Variants in ESRP2 observed in about 807,000 individuals in gnomAD.
ESRP2 encodes the protein epithelial splicing regulatory protein 2.
In ESRP2, 48 loss-of-function variants were observed where a neutral mutation model predicts 78.6. The ratio of observed to expected loss-of-function variants is 0.61; its 90% CI spans 0.48 to 0.78. The LOEUF is 0.78. Among genes scored for constraint, ESRP2 ranks in the 30% least tolerant of loss-of-function variants. ESRP2 has a pLI of 0.00. For missense variants in ESRP2, 863 were observed against 965.9 expected (o/e 0.89, Z 1.41); for synonymous variants, 383 against 406.7 (o/e 0.94, Z 0.70).
intron 5 of ESRP2, 175 bp downstream of exon 5, chr16:68,233,152 T>C (rs1287569715): frequency 1.5e-5 from 9 of 614,534 alleles, no homozygotes; most frequent in Non-Finnish European, 2.6e-5. Context: ...TGAGCTGAGA[T>C]TGTGCCACTG....
rs781393206 is a variant in ESRP2 at position 68,232,304 on chromosome 16, G to A, written c.955-16C>T. ...CTTTATACACCTGTGGGTACAGAGAGCAGCAGCCCATGGGTCTCAGGCCTG... is the reference window on the plus strand; with the variant it reads ...CTTTATACACCTGTGGGTACAGAGAACAGCAGCCCATGGGTCTCAGGCCTG... On this transcript the variant is annotated splice_polypyrimidine_tract_variant and intron_variant, in intron 8 of 14. Transcript: ENST00000473183. The surrounding 1 kb of genome is among the most constrained non-coding windows in gnomAD (Gnocchi z 5.2). 11 of 1,614,190 alleles carry A rather than the reference G, an allele frequency of 6.8e-6. 1 individual carries two copies. In the South Asian group the frequency reaches 8.8e-5, roughly 13 times the overall value.
chr16:68,231,063 C>G lies in ESRP2; in HGVS notation c.1712-36G>C, dbSNP rs753055981. 10 of 1,590,984 alleles carry G rather than the reference C, an allele frequency of 6.3e-6. No individual in the cohort carries two copies. The highest frequency in any genetic ancestry group is 1.3e-5 in the African/African-American group (1 of 74,402). On this transcript the variant is annotated intron_variant, in intron 12 of 14. Transcript: ENST00000473183. The surrounding 1 kb of genome is among the most constrained non-coding windows in gnomAD (Gnocchi z 6.0). ...AAGTAGAAAGTGCATGTGCACGGAG[C>G]CCAGCACTGCCCTGGGTGGGGTAGC... is the stretch of plus-strand genomic sequence containing the variant.
chr16:68,235,941 C>A lies in ESRP2; in HGVS notation c.105G>T (p.Gly35=). The change falls in exon 1 of 15, where the codon GGG becomes GGT. Residue 35 remains glycine (G), a synonymous_variant. Coordinates refer to ENST00000473183, the MANE Select transcript of ESRP2 (RefSeq NM_024939.3). The surrounding 1 kb of genome is among the most constrained non-coding windows in gnomAD (Gnocchi z 5.5). ...CCCGTCCCAGCGCACCCGCCGTAGC[C>A]CCGAAGAGGACGACCAGTGATCCGG... is the stretch of plus-strand genomic sequence containing the variant. The part of the protein sequence containing the change: ...PWPGSLVVLF[G]ATAGALGRDL... 1 of 1,611,484 alleles carries A rather than the reference C, an allele frequency of 6.2e-7. No individual in the cohort carries two copies. The highest frequency in any genetic ancestry group is 1.3e-5 in the African/African-American group (1 of 74,962).
rs2042213015 is a variant in ESRP2 at position 68,235,527 on chromosome 16, C to A, written c.327+107G>T. 6.7e-7 allele frequency: 1 copy of A among 1,501,144 alleles called. No individual in the cohort carries two copies. Among genetic ancestry groups the A allele is most frequent in the East Asian group, 2.4e-5 (1 of 41,236 alleles). 93.0% of individuals were successfully genotyped at this position (1,501,144 alleles called of 1,614,324 possible). A position where few individuals can be genotyped will look rare whatever the true frequency, so the allele number is the denominator to read the frequency against. On this transcript the variant is annotated intron_variant, in intron 2 of 14. Coordinates refer to ENST00000473183, the MANE Select transcript of ESRP2 (RefSeq NM_024939.3). This position sits in a 1 kb window ranked among gnomAD's most constrained non-coding sequence, Gnocchi z 5.5. The stretch of plus-strand genomic sequence containing the variant: ...GTTTCAAACAAGAGCCCAGTCCTGC[C>A]GCCTGGACCGGTTGGTTGCGGCACG...
intron 4 of ESRP2, 116 bp downstream of exon 4, chr16:68,233,652 C>G: frequency 7.4e-6 from 6 of 813,100 alleles, no homozygotes; most frequent in Non-Finnish European, 1.2e-5. Flanking sequence ...CACTCAGGGA[C>G]TTAGCAGATA....
chr16:68,234,491 G>A, intron 2 of ESRP2: 1 of 173,190 alleles, frequency 5.8e-6, no homozygotes, highest in Non-Finnish European at 1.2e-5. Context: ...AGGTGGGGGA[G>A]GCCCAGGCCT....
At position 68,231,563 on chromosome 16, in the gene ESRP2, G is replaced by A. The variant is rs751544876; in HGVS notation, c.1431C>T (p.Thr477=). The stretch of plus-strand genomic sequence containing the variant: ...CCAGAAAGCTCAGGATGTCTTCAAT[G>A]GTGGCCGTGTAGGGCAGGCCTCGGA... ...VRLRGLPYTA[T]IEDILSFLGE... is the part of the protein sequence containing the mutation. Residue 477 remains threonine, a synonymous_variant, in exon 11 of 15, where the codon ACC becomes ACT. Transcript: ENST00000473183. The surrounding 1 kb of genome is among the most constrained non-coding windows in gnomAD (Gnocchi z 6.0). 9.3e-6 allele frequency: 15 copies of A among 1,614,150 alleles called. No homozygotes were observed. The highest frequency in any genetic ancestry group is 1.0e-5 in the Non-Finnish European group (12 of 1,180,026).
In ESRP2 at chr16:68,231,654, A is replaced by C; in HGVS notation, c.1340T>G (p.Leu447Arg). 1 of 1,613,018 alleles carries C rather than the reference A, an allele frequency of 6.2e-7. No homozygotes were observed. The change falls in exon 11 of 15, where the codon CTG becomes CGG. Residue 447 changes from leucine to arginine, a missense_variant. Leu to Arg is a moderately radical substitution (Grantham distance 102). Transcript: ENST00000473183. This position sits in a 1 kb window ranked among gnomAD's most constrained non-coding sequence, Gnocchi z 6.0. ...GGGGATGGGCAGCAGTGGGGCAGTC[A>C]GTGTAGGAAGGAGTGGGCCGGATGC... ...RYASGPLLPT[L>R]TAPLLPIPFP...
Position 68,231,992 on chromosome 16 carries a change from G to T in ESRP2, c.1109C>A (p.Pro370Gln), listed in dbSNP as rs570270415. 9.8e-4 allele frequency: 1,577 copies of T among 1,614,114 alleles called. 26 individuals are homozygous for T. In the South Asian group the frequency reaches 0.016, roughly 17 times the overall value. The change falls in exon 10 of 15, where the codon CCA becomes CAA. Residue 370 changes from proline (P) to glutamine (Q), a missense_variant. Coordinates refer to ENST00000473183, the MANE Select transcript of ESRP2 (RefSeq NM_024939.3). This position sits in a 1 kb window ranked among gnomAD's most constrained non-coding sequence, Gnocchi z 6.0. Reference protein sequence around the residue: ...GPTDVLGFLGPECPVTGGTEG... With the variant: ...GPTDVLGFLGQECPVTGGTEG... ...GGTACCCCCAGTCACTGGGCACTCTGGCCCCAGGAAGCCAAGCACGTCCGT... is the reference window on the plus strand; with the variant it reads ...GGTACCCCCAGTCACTGGGCACTCTTGCCCCAGGAAGCCAAGCACGTCCGT...
In ESRP2 at chr16:68,231,400, G is replaced by C. The variant is rs1024573742; in HGVS notation, c.1513-24C>G. 1 of 1,613,860 alleles carries C rather than the reference G, an allele frequency of 6.2e-7. No homozygotes were observed. On this transcript the variant is annotated intron_variant, in intron 11 of 14. Transcript: ENST00000473183. The surrounding 1 kb of genome is among the most constrained non-coding windows in gnomAD (Gnocchi z 6.0). The stretch of plus-strand genomic sequence containing the variant: ...CCCTGTGCACACCATCTTGTGAGCA[G>C]TTTGTCATGTGTAAGAGTGCCTTAC...
In ESRP2 at chr16:68,232,082, C is replaced by A; in HGVS notation, c.1019G>T (p.Arg340Leu). 1 of 1,613,222 alleles carries A rather than the reference C, an allele frequency of 6.2e-7. No homozygotes were observed. The highest frequency in any genetic ancestry group is 1.1e-5 in the South Asian group (1 of 91,020). The change falls in exon 10 of 15, where the codon CGT (arginine) becomes CTT (leucine). Residue 340 changes from arginine to leucine, a missense_variant. Arg to Leu is a moderately radical substitution (Grantham distance 102). Transcript: ENST00000473183. The surrounding 1 kb of genome is among the most constrained non-coding windows in gnomAD (Gnocchi z 5.2). ...CACTTGGTCTTCCCGTGACAAGAAA[C>A]GAGCCACCTCTAGTGATGTGCCTGT... Reference protein sequence around the residue: ...IAGGTSLEVARFLSREDQVIL... With the variant: ...IAGGTSLEVALFLSREDQVIL...
In ESRP2 at chr16:68,232,842, C is replaced by T. The variant is rs1327639074; in HGVS notation, c.656-27G>A. 3.1e-6 allele frequency: 5 copies of T among 1,614,002 alleles called. No individual in the cohort carries two copies. The Admixed American group carries it at 5.0e-5, about 16-fold the overall frequency. Reference sequence around the variant, plus strand: ...TGAGAAAAGATGGCCTGGGGGTCAGCAGGGTCTGGTGGAGAGGGGTGTCCC... The same window carrying T: ...TGAGAAAAGATGGCCTGGGGGTCAGTAGGGTCTGGTGGAGAGGGGTGTCCC... On this transcript the variant is annotated intron_variant, in intron 5 of 14. Transcript: ENST00000473183. This position sits in a 1 kb window ranked among gnomAD's most constrained non-coding sequence, Gnocchi z 5.2.
chr16:68,230,658 T>C (rs1598649057), intron 13 of ESRP2, 104 bp from the exon 14 acceptor site: 2 of 1,444,174 alleles, frequency 1.4e-6, no homozygotes, highest in Non-Finnish European at 1.9e-6. Context: ...ATTCAGTTCC[T>C]CCCTGAAGCC....
rs2042151165 is a variant in ESRP2, at chr16:68,232,209, A to G, written c.997+37T>C. On this transcript the variant is annotated intron_variant, in intron 9 of 14. Coordinates refer to ENST00000473183, the MANE Select transcript of ESRP2 (RefSeq NM_024939.3). The surrounding 1 kb of genome is among the most constrained non-coding windows in gnomAD (Gnocchi z 5.2). ...TGGTGGGGAAGTGAAATGGATCAAG[A>G]ACCAGGGGAGCCAGGCCCTGTTTGC... 1 of 1,614,070 alleles carries G rather than the reference A, an allele frequency of 6.2e-7. No individual in the cohort carries two copies. Among genetic ancestry groups the G allele is most frequent in the Non-Finnish European group, 8.5e-7 (1 of 1,179,962 alleles).
In ESRP2 at chr16:68,235,847, C is replaced by T; in HGVS notation, c.198+1G>A. 3 of 1,611,952 alleles carry T rather than the reference C, an allele frequency of 1.9e-6. No homozygotes were observed. The highest frequency in any genetic ancestry group is 2.5e-6 in the Non-Finnish European group (3 of 1,179,502). On this transcript the variant is annotated splice_donor_variant, in intron 1 of 14. Transcript: ENST00000473183. LOFTEE classifies it high-confidence loss of function. This position sits in a 1 kb window ranked among gnomAD's most constrained non-coding sequence, Gnocchi z 5.5. Reference sequence around the variant, plus strand: ...ACCTCACCGCCTCTTTTCCACCCTACCTGGCGGCTCCGCGGCTCAACCACT... The same window carrying T: ...ACCTCACCGCCTCTTTTCCACCCTATCTGGCGGCTCCGCGGCTCAACCACT...
chr16:68,232,190 G>T lies in ESRP2; in HGVS notation c.997+56C>A. ...GGAGCAGGCAGGCAAGGGGTGGTGG[G>T]GAAGTGAAATGGATCAAGAACCAGG... On this transcript the variant is annotated intron_variant, in intron 9 of 14. Coordinates refer to ENST00000473183, the MANE Select transcript of ESRP2 (RefSeq NM_024939.3). The surrounding 1 kb of genome is among the most constrained non-coding windows in gnomAD (Gnocchi z 5.2). The T allele has an allele frequency of 1.2e-6, 2 of 1,613,782 alleles. No individual in the cohort carries two copies. The highest frequency in any genetic ancestry group is 1.7e-6 in the Non-Finnish European group (2 of 1,179,816).
At position 68,234,108 on chromosome 16, in the gene ESRP2, C is replaced by T. The variant is rs1386209963; in HGVS notation, c.328-1G>A. The T allele has an allele frequency of 6.2e-7, 1 of 1,606,268 alleles. No homozygotes were observed. Among genetic ancestry groups the T allele is most frequent in the Non-Finnish European group, 8.5e-7 (1 of 1,175,840 alleles). On this transcript the variant is annotated splice_acceptor_variant, in intron 2 of 14. Transcript: ENST00000473183. LOFTEE classifies it high-confidence loss of function. ...CATCCCCGTTCACCAGCTGTGAGAACTGGGGATAGGGAATGGGGAGAGAGA... is the reference window on the plus strand; with the variant it reads ...CATCCCCGTTCACCAGCTGTGAGAATTGGGGATAGGGAATGGGGAGAGAGA...
In ESRP2 at chr16:68,235,466, G is replaced by T. The variant is rs1462194460; in HGVS notation, c.327+168C>A. The T allele has an allele frequency of 8.1e-6, 8 of 985,318 alleles. No individual in the cohort carries two copies. In the Admixed American group the frequency reaches 2.5e-4, roughly 30 times the overall value. 61.0% of individuals were successfully genotyped at this position (985,318 alleles called of 1,614,324 possible). On this transcript the variant is annotated intron_variant, in intron 2 of 14. Transcript: ENST00000473183. The surrounding 1 kb of genome is among the most constrained non-coding windows in gnomAD (Gnocchi z 5.5). ...CCCAGGGGAATGGCTGGCACGCGCG[G>T]ATGAAAGGGGCACGCACACGCGAGA...
chr16:68,233,475 C>T (rs2042175230), intron 4 of ESRP2, 50 bp from the exon 5 acceptor site: 6 of 1,380,572 alleles, frequency 4.3e-6, no homozygotes, highest in Middle Eastern at 3.6e-4. Context: ...AGCACTAATC[C>T]TGTTTACTCC....
Sources: allele counts gnomAD v4.1 joint callset, GRCh38; gene constraint gnomAD v4.1.1; non-coding constraint Gnocchi (gnomAD v3.1); transcripts MANE v1.5; gene names NCBI Gene and HGNC (gene_info 2026-07-23, HGNC 2026-07-21).